Variants in GPD2 observed in about 807,000 individuals in gnomAD.
The protein encoded by GPD2 is glycerol-3-phosphate dehydrogenase, mitochondrial.
Under a neutral mutation model 82.4 loss-of-function variants are expected in GPD2, and 54 were observed. That is an observed-to-expected ratio of 0.66 (90% CI 0.53 to 0.82). The LOEUF (loss-of-function observed/expected upper bound fraction) is 0.82. Ranked by LOEUF, GPD2 falls within the 40% of genes least tolerant of loss-of-function variation. GPD2 has a pLI of 0.00. For missense variants in GPD2, 748 were observed against 896.2 expected, an observed-to-expected ratio of 0.83 and a Z score of 2.11; for synonymous variants, 288 against 306.1, an observed-to-expected ratio of 0.94 and a Z score of 0.62.
At chr2:156,423,442 C>G in the GPD2 span, among the ~76,000 whole-genome samples, 1 of 152,054 alleles carries the variant, frequency 6.6e-6, no homozygotes, top group Non-Finnish European at 1.5e-5. Flanking sequence ...TTAAAAAGAG[C>G]ATTTTTGGTT....
At chr2:156,437,949 T>A (rs1170027803) in intron 1 of GPD2, among the ~76,000 whole-genome samples, 1 of 152,220 alleles carries the variant, frequency 6.6e-6, no homozygotes, top group African/African-American at 2.4e-5. Context: ...CTATTATAAC[T>A]CTGAACTTAT....
At chr2:156,433,909 G>A (rs755695614), upstream of GPD2, among the ~76,000 whole-genome samples, 1 of 152,166 alleles carries the variant, frequency 6.6e-6, no homozygotes, top group East Asian at 1.9e-4. Flanking sequence ...GGGATAATCA[G>A]TGAGAAGGAA....
the GPD2 span, among the ~76,000 whole-genome samples, chr2:156,401,242 G>C: frequency 1.3e-5 from 2 of 152,130 alleles, no homozygotes; most frequent in Non-Finnish European, 1.5e-5. Flanking sequence ...CTTTTCTATT[G>C]CTTACTAGAA....
At chr2:156,569,669 T>A (rs1479930397) in intron 11 of GPD2, 131 bp downstream of exon 11, 2 of 763,240 alleles carry the variant, frequency 2.6e-6, no homozygotes, top group Non-Finnish European at 4.7e-6. Context: ...CAGTCTGTTA[T>A]GGAAGGAAAA....
At position 156,465,410 on chromosome 2, in the gene GPD2, G is replaced by A. The variant is rs565011017; in HGVS notation, c.-8-10688G>A. Among the ~76,000 whole-genome samples the A allele has an allele frequency of 2.9e-4, 42 of 142,618 alleles. 1 individual carries two copies. Among genetic ancestry groups the A allele is most frequent in the South Asian group, 6.6e-4 (3 of 4,538 alleles). The allele number at this position is 142,618 out of a possible 152,430, so 93.6% of individuals were successfully genotyped here. On this transcript the variant is annotated intron_variant, in intron 1 of 16. Coordinates refer to ENST00000438166, the MANE Select transcript of GPD2 (RefSeq NM_000408.5). Reference sequence around the variant, plus strand: ...AGGATCTCATTCTATCACCTGTGCTGGAGTGCAGTGGTGCCCTCATAGCTC... The same window carrying A: ...AGGATCTCATTCTATCACCTGTGCTAGAGTGCAGTGGTGCCCTCATAGCTC...
At chr2:156,535,389 T>TGGG (rs5835622) in intron 6 of GPD2, among the ~76,000 whole-genome samples, 8 of 91,900 alleles carry the variant, frequency 8.7e-5, no homozygotes, top group African/African-American at 3.2e-4. Flanking sequence ...GAAAAAGACC[T>TGGG]GGGGGGGGGC....
intron 3 of GPD2, among the ~76,000 whole-genome samples, chr2:156,497,169 T>A (rs297580): frequency 6.6e-6 from 1 of 152,240 alleles, no homozygotes; most frequent in South Asian, 2.1e-4. Context: ...TATGTGTTGG[T>A]GGACGGGGGG....
intron 1 of GPD2, among the ~76,000 whole-genome samples, chr2:156,439,136 G>A (rs2679202): frequency 0.58 from 87,573 of 152,076 alleles, 25,519 homozygotes; most frequent in East Asian, 0.77. Context: ...TGATCTTTCT[G>A]TTGAAAATTA....
chr2:156,522,312 C>T (rs1685439322), intron 6 of GPD2, among the ~76,000 whole-genome samples: 2 of 151,900 alleles, frequency 1.3e-5, no homozygotes, highest in South Asian at 4.2e-4. Flanking sequence ...TATAGCAAGC[C>T]GAGATAGTAG....
At chr2:156,538,931 CTT>C (rs1686194257) in intron 6 of GPD2, among the ~76,000 whole-genome samples, 3 of 151,012 alleles carry the variant, frequency 2.0e-5, no homozygotes. Flanking sequence ...TTAAAGATAT[CTT>C]TGTCAAGTAA....
At chr2:156,432,714 A>C (rs1688331449), upstream of GPD2, among the ~76,000 whole-genome samples, 1 of 152,234 alleles carries the variant, frequency 6.6e-6, no homozygotes, top group African/African-American at 2.4e-5. Flanking sequence ...ATTATCTACT[A>C]TACAACAGTT....
chr2:156,550,007 T>G (rs1558955834), intron 7 of GPD2, among the ~76,000 whole-genome samples: 1 of 152,222 alleles, frequency 6.6e-6, no homozygotes, highest in Non-Finnish European at 1.5e-5. Flanking sequence ...AATAATAAAA[T>G]GCCCACCAAA....
At chr2:156,508,183 A>G (rs1046142561) in intron 3 of GPD2, among the ~76,000 whole-genome samples, 3 of 152,030 alleles carry the variant, frequency 2.0e-5, no homozygotes, top group African/African-American at 7.2e-5. Context: ...CATAGTGGAC[A>G]GTGCTTTCTA....
chr2:156,505,343 T>A lies in GPD2; in HGVS notation c.275-5453T>A, dbSNP rs186084679. The stretch of plus-strand genomic sequence containing the variant: ...CTAATCTTGTTATTCTGCCTAAGAT[T>A]TCAGGTAATGTTACTCCAAATATTA... On this transcript the variant is annotated intron_variant, in intron 3 of 16. Transcript: ENST00000438166. Among the ~76,000 whole-genome samples the A allele has an allele frequency of 4.6e-5, 7 of 152,252 alleles. No individual in the cohort carries two copies. In the East Asian group the frequency reaches 1.2e-3, roughly 25 times the overall value.
At chr2:156,430,482 C>T (rs559569042), upstream of GPD2, among the ~76,000 whole-genome samples, 59 of 152,230 alleles carry the variant, frequency 3.9e-4, no homozygotes, top group Admixed American at 7.2e-4. Flanking sequence ...ATAAGGATAC[C>T]GAGGTTCTGG....
At chr2:156,401,219 T>C in the GPD2 span, among the ~76,000 whole-genome samples, 26 of 152,208 alleles carry the variant, frequency 1.7e-4, no homozygotes, top group Non-Finnish European at 2.9e-4. Flanking sequence ...CACCAATGCT[T>C]ATAGCAAATG....
intron 6 of GPD2, among the ~76,000 whole-genome samples, chr2:156,517,866 T>C (rs1685255650): frequency 6.6e-6 from 1 of 152,164 alleles, no homozygotes; most frequent in South Asian, 2.1e-4. Flanking sequence ...AATCATTAAA[T>C]ATTAAAAACC....
At chr2:156,510,716 C>T (rs1183666360) in intron 3 of GPD2, 80 bp from the exon 4 acceptor site, 2 of 1,158,612 alleles carry the variant, frequency 1.7e-6, no homozygotes, top group African/African-American at 1.5e-5. Context: ...GTGATTGTCT[C>T]TACCCTGGAG....
intron 1 of GPD2, among the ~76,000 whole-genome samples, chr2:156,464,417 A>G (rs1683084801): frequency 6.6e-6 from 1 of 152,172 alleles, no homozygotes. Flanking sequence ...CTTGTGGATT[A>G]TTAGATGTAC....
Sources: gnomAD v4.1 joint callset for allele counts (sites outside exome capture counted in the v4.1 genomes callset) on GRCh38, gnomAD v4.1.1 for gene constraint, MANE v1.5 for transcripts, NCBI Gene and HGNC (gene_info 2026-07-23, HGNC 2026-07-21) for gene names.